Variants in COL4A5 observed in about 807,000 individuals in gnomAD.
COL4A5 encodes collagen type IV alpha 5 chain, also known as collagen alpha-5(IV) chain.
In COL4A5, 26 loss-of-function variants were observed where a neutral mutation model predicts 130.2. The observed-to-expected ratio is 0.20, with a 90% confidence interval of 0.15 to 0.28. COL4A5 has a LOEUF of 0.28. Among genes scored for constraint, COL4A5 ranks in the 10% least tolerant of loss-of-function variants. The pLI, the probability that COL4A5 is intolerant of heterozygous loss-of-function variation, is 1.00. For synonymous variants in COL4A5, 496 were observed against 439.6 expected, an observed-to-expected ratio of 1.13 and a Z score of -1.60; for missense variants, 1,131 against 1,344.3, an observed-to-expected ratio of 0.84 and a Z score of 2.48.
At chrX:108,658,815 G>A (rs1177521516) in intron 37 of COL4A5, among the ~76,000 whole-genome samples, 2 of 110,880 alleles carry the variant, frequency 1.8e-5, no homozygotes, top group Non-Finnish European at 3.8e-5. Context: ...AGCCTCTGAG[G>A]CATTCATTAA....
intron 37 of COL4A5, among the ~76,000 whole-genome samples, chrX:108,657,311 G>C: frequency 9.0e-6 from 1 of 110,997 alleles, no homozygotes; most frequent in Non-Finnish European, 1.9e-5. Context: ...CCAAATGACT[G>C]TACATGTGGT....
In COL4A5 at chrX:108,689,207, T is replaced by A. The variant is rs1408387355; in HGVS notation, c.4528+1513T>A. 2.7e-5 allele frequency among the ~76,000 whole-genome samples: 3 copies of A among 111,556 alleles called. No individual in the cohort carries two copies. In the East Asian group the frequency reaches 8.4e-4, roughly 31 times the overall value. ...GTAATTAAATTATCTTTCCATAATT[T>A]AATCGAATAATAAATATCTAAATAA... On this transcript the variant is annotated intron_variant, in intron 49 of 52. Coordinates refer to ENST00000328300, the MANE Select transcript of COL4A5 (RefSeq NM_033380.3).
rs375682390 is a variant in COL4A5 at position 108,547,213 on chromosome X, C to T, written c.141+7408C>T. ...ACTTTTAGAATTTTCAGTTTTTCTG[C>T]TCTGTTTTTTCCCCATCTTTGTGGT... On this transcript the variant is annotated intron_variant, in intron 2 of 52. Coordinates refer to ENST00000328300, the MANE Select transcript of COL4A5 (RefSeq NM_033380.3). Among the ~76,000 whole-genome samples, 214 of 111,783 alleles carry T rather than the reference C, an allele frequency of 1.9e-3. 3 individuals are homozygous for T. The highest frequency in any genetic ancestry group is 2.4e-3 in the Non-Finnish European group (128 of 53,108).
At chrX:108,457,347 G>A (rs887854839) in intron 1 of COL4A5, among the ~76,000 whole-genome samples, 6 of 111,641 alleles carry the variant, frequency 5.4e-5, no homozygotes, top group East Asian at 2.8e-4. Context: ...GTTGTTCCTC[G>A]TCAGAACTGT....
intron 1 of COL4A5, among the ~76,000 whole-genome samples, chrX:108,469,084 G>A (rs1477737567): frequency 2.9e-5 from 3 of 104,480 alleles, no homozygotes; most frequent in Non-Finnish European, 3.9e-5. Flanking sequence ...TAGGTAATTT[G>A]TATGTTTCTA....
At chrX:108,586,517 G>T in intron 18 of COL4A5, 98 bp from the exon 19 acceptor site, 3 of 822,434 alleles carry the variant, frequency 3.6e-6, no homozygotes, top group Non-Finnish European at 5.4e-6. Flanking sequence ...ATGTGAAAAT[G>T]ATGACATTGT....
chrX:108,547,585 G>A (rs982251215), intron 2 of COL4A5, among the ~76,000 whole-genome samples: 26 of 112,006 alleles, frequency 2.3e-4, no homozygotes, highest in African/African-American at 4.5e-4. Context: ...CAGTCTGTCC[G>A]TTCTCAGATC....
Position 108,443,336 on chromosome X carries a change from A to G in COL4A5, c.81+3130A>G, listed in dbSNP as rs746001612. ...AAACATTTCAACTTATATAACTACT[A>G]TAATTTGTGACAGATGATTTGTTTT... On this transcript the variant is annotated intron_variant, in intron 1 of 52. Transcript: ENST00000328300. Among the ~76,000 whole-genome samples, 9 of 112,153 alleles carry G rather than the reference A, an allele frequency of 8.0e-5. No individual in the cohort carries two copies. The East Asian group carries it at 2.5e-3, about 31-fold the overall frequency.
At chrX:108,663,011 A>G (rs1399199898) in intron 37 of COL4A5, among the ~76,000 whole-genome samples, 1 of 112,206 alleles carries the variant, frequency 8.9e-6, no homozygotes, top group Non-Finnish European at 1.9e-5. Context: ...TAACATTGCT[A>G]AGGAGAGAAT....
At chrX:108,518,616 T>C (rs1224382587) in intron 1 of COL4A5, among the ~76,000 whole-genome samples, 4 of 110,935 alleles carry the variant, frequency 3.6e-5, no homozygotes, top group Non-Finnish European at 7.6e-5. Flanking sequence ...AAAAAACATA[T>C]GGGATCTCAA....
In COL4A5 at chrX:108,559,051, C is replaced by T. The variant is rs1432441931; in HGVS notation, c.142-13C>T. The T allele has an allele frequency of 8.4e-7, 1 of 1,186,051 alleles. No homozygotes were observed. Among genetic ancestry groups the T allele is most frequent in the South Asian group, 1.8e-5 (1 of 56,439 alleles). On this transcript the variant is annotated splice_polypyrimidine_tract_variant and intron_variant, in intron 2 of 52. Transcript: ENST00000328300. Reference sequence around the variant, plus strand: ...CACAAATGACCTTACCTTTCATTCTCATTTAATTGCAGGGAGAGAGAGGGT... The same window carrying T: ...CACAAATGACCTTACCTTTCATTCTTATTTAATTGCAGGGAGAGAGAGGGT...
intron 34 of COL4A5, 62 bp from the exon 35 acceptor site, chrX:108,625,643 A>G (rs952303393): frequency 1.5e-5 from 11 of 731,755 alleles, no homozygotes; most frequent in Non-Finnish European, 2.4e-5. Flanking sequence ...ATCCATTCCC[A>G]TGAAACCAGA....
At chrX:108,646,834 G>T (rs2067600911) in intron 36 of COL4A5, among the ~76,000 whole-genome samples, 1 of 111,107 alleles carries the variant, frequency 9.0e-6, no homozygotes, top group Admixed American at 9.5e-5. Flanking sequence ...TTATTAAATA[G>T]GGAATCCTTT....
Position 108,622,766 on chromosome X carries a change from G to T in COL4A5, c.2858G>T (p.Gly953Val), listed in dbSNP as rs78972735. 1,324 of 1,209,432 alleles carry T rather than the reference G, an allele frequency of 1.1e-3. 8 individuals are homozygous for T. In the East Asian group the frequency reaches 0.024, roughly 22 times the overall value. ...GAGCCTGGCCTTCCAGGCCCTCCTGGACCAATGGATCCAAATCTTCTGGGC... is the reference window on the plus strand; with the variant it reads ...GAGCCTGGCCTTCCAGGCCCTCCTGTACCAATGGATCCAAATCTTCTGGGC... ...KGEPGLPGPP[G>V]PMDPNLLGSK... Residue 953 changes from glycine (G) to valine (V), a missense_variant, in exon 33 of 53, where the codon GGA (glycine) becomes GTA (valine). Transcript: ENST00000328300.
rs369168503 is a variant in COL4A5, at chrX:108,573,770, C to T, written c.546+116C>T. 43 of 539,222 alleles carry T rather than the reference C, an allele frequency of 8.0e-5. No individual in the cohort carries two copies. In the East Asian group the frequency reaches 9.3e-4, roughly 12 times the overall value. The allele number at this position is 539,222 out of a possible 1,213,427, so 44.4% of individuals were successfully genotyped here. A position where few individuals can be genotyped will look rare whatever the true frequency, so the allele number is the denominator to read the frequency against. ...CATAAAAATTATCATCAGATGTTTA[C>T]TAGACATTACATGTACTTTCTACCT... On this transcript the variant is annotated intron_variant, in intron 9 of 52. Transcript: ENST00000328300.
chrX:108,471,160 A>G (rs997624866), intron 1 of COL4A5, among the ~76,000 whole-genome samples: 1 of 111,850 alleles, frequency 8.9e-6, no homozygotes, highest in African/African-American at 3.2e-5. Context: ...ATGTATAAAT[A>G]GTCTTTTTCT....
chrX:108,492,518 A>C (rs890289085), intron 1 of COL4A5, among the ~76,000 whole-genome samples: 3 of 112,008 alleles, frequency 2.7e-5, no homozygotes, highest in Admixed American at 1.9e-4. Context: ...AATTAAAAAG[A>C]AAGTATTACA....
chrX:108,645,439 A>C (rs1363686592), intron 36 of COL4A5, among the ~76,000 whole-genome samples: 2 of 110,466 alleles, frequency 1.8e-5, no homozygotes, highest in Non-Finnish European at 3.8e-5. Context: ...TACTATGAAC[A>C]CCTTTATGTA....
rs1050639723 is a variant in COL4A5 at position 108,689,104 on chromosome X, C to G, written c.4528+1410C>G. Reference sequence around the variant, plus strand: ...TTTCCTTTTTCTCCTTTTCAACTTTCCTCTGCTACTTTTCTTTCTCCTTTT... The same window carrying G: ...TTTCCTTTTTCTCCTTTTCAACTTTGCTCTGCTACTTTTCTTTCTCCTTTT... On this transcript the variant is annotated intron_variant, in intron 49 of 52. Coordinates refer to ENST00000328300, the MANE Select transcript of COL4A5 (RefSeq NM_033380.3). Among the ~76,000 whole-genome samples the G allele has an allele frequency of 1.2e-4, 13 of 111,265 alleles. No individual in the cohort carries two copies. The South Asian group carries it at 4.9e-3, about 42-fold the overall frequency.
Sources: gnomAD v4.1 joint callset for allele counts (sites outside exome capture counted in the v4.1 genomes callset) on GRCh38, gnomAD v4.1.1 for gene constraint, MANE v1.5 for transcripts, NCBI Gene and HGNC (gene_info 2026-07-23, HGNC 2026-07-21) for gene names.